Variants in MAP4 observed in about 807,000 individuals in gnomAD.
MAP4 encodes the protein microtubule associated protein 4.
In MAP4, 76 loss-of-function variants were observed where a neutral mutation model predicts 170.2. The observed-to-expected ratio is 0.45, with a 90% CI of 0.37 to 0.54. The LOEUF is 0.54. Ranked by LOEUF, MAP4 falls within the 20% of genes least tolerant of loss-of-function variation. The pLI is 0.00. For synonymous variants in MAP4, 909 were observed against 994.5 expected, an observed-to-expected ratio of 0.91 and a Z score of 1.62; for missense variants, 2,506 against 2,748.0, an observed-to-expected ratio of 0.91 and a Z score of 1.97.
intron 1 of MAP4, among the ~76,000 whole-genome samples, chr3:48,006,089 C>G (rs558058407): frequency 6.6e-6 from 1 of 152,170 alleles, no homozygotes; most frequent in South Asian, 2.1e-4. Context: ...TTAATTTATA[C>G]AAACACAAAA....
At chr3:47,871,410 T>TAACAC in intron 13 of MAP4, 124 bp from the exon 14 acceptor site, 2 of 813,816 alleles carry the variant, frequency 2.5e-6, no homozygotes, top group Non-Finnish European at 4.1e-6. Context: ...GGGACTGTGT[T>TAACAC]AGTCCCTGGG....
chr3:47,974,303 T>TA (rs888403005), intron 3 of MAP4: 9 of 322,698 alleles, frequency 2.8e-5, no homozygotes, highest in Non-Finnish European at 4.0e-5. Flanking sequence ...CGCACACCTA[T>TA]AATCCCAGCT....
Position 47,910,251 on chromosome 3 carries a change from T to C in MAP4, c.4170A>G (p.Ile1390Met). ...ILENKIDATK[I>M]HVPMETTGDQ... ...CCCCTGTGGTTTCCATGGGAACATG[T>C]ATTTTTGTTGCATCTATCTTATTCT... Residue 1390 changes from isoleucine (I) to methionine (M), a missense_variant, in exon 9 of 21, where the codon ATA becomes ATG. By Grantham distance (10) the Ile-to-Met change is conservative. Transcript: ENST00000683076. 6.2e-7 allele frequency: 1 copy of C among 1,607,824 alleles called. No individual in the cohort carries two copies. The highest frequency in any genetic ancestry group is 8.5e-7 in the Non-Finnish European group (1 of 1,179,690).
intron 3 of MAP4, among the ~76,000 whole-genome samples, chr3:47,962,885 A>T (rs2100072506): frequency 6.6e-6 from 1 of 152,226 alleles, no homozygotes; most frequent in African/African-American, 2.4e-5. Flanking sequence ...TTAAATAGAA[A>T]GCAAAATCCT....
At chr3:47,967,550 G>C (rs916505948) in intron 3 of MAP4, among the ~76,000 whole-genome samples, 1 of 152,164 alleles carries the variant, frequency 6.6e-6, no homozygotes, top group Non-Finnish European at 1.5e-5. Context: ...TACTCGGCAG[G>C]GTGAGGCAAG....
At chr3:47,879,540 A>G (rs1435426030) in intron 10 of MAP4, among the ~76,000 whole-genome samples, 1 of 152,218 alleles carries the variant, frequency 6.6e-6, no homozygotes, top group African/African-American at 2.4e-5. Context: ...ACGTAAATAC[A>G]GTATACTATC....
intron 3 of MAP4, among the ~76,000 whole-genome samples, chr3:47,941,613 TA>T (rs775418429): frequency 2.2e-5 from 3 of 135,268 alleles, no homozygotes; most frequent in Non-Finnish European, 4.8e-5. Context: ...CAGTCTCTAC[TA>T]AAAAAACAAA....
At chr3:48,018,689 GC>G (rs1183362873), upstream of MAP4, among the ~76,000 whole-genome samples, 1 of 152,122 alleles carries the variant, frequency 6.6e-6, no homozygotes, top group Non-Finnish European at 1.5e-5. Flanking sequence ...TGTAGTCCCA[GC>G]TACTCGAGAG....
intron 10 of MAP4, among the ~76,000 whole-genome samples, chr3:47,897,112 T>C (rs2100027276): frequency 6.6e-6 from 1 of 152,152 alleles, no homozygotes; most frequent in Non-Finnish European, 1.5e-5. Flanking sequence ...AGTCACTAGA[T>C]GACTCTCCTT....
At chr3:47,969,377 G>A (rs2100077126) in intron 3 of MAP4, among the ~76,000 whole-genome samples, 1 of 150,880 alleles carries the variant, frequency 6.6e-6, no homozygotes, top group Non-Finnish European at 1.5e-5. Flanking sequence ...TTGCACTCCA[G>A]CCTGGGCAAT....
At chr3:47,870,571 C>G (rs1047287463) in intron 15 of MAP4, among the ~76,000 whole-genome samples, 1 of 152,186 alleles carries the variant, frequency 6.6e-6, no homozygotes, top group Non-Finnish European at 1.5e-5. Context: ...TAAACTCAGA[C>G]CCCAACATCT....
At chr3:47,951,603 T>G (rs1033337727) in intron 3 of MAP4, among the ~76,000 whole-genome samples, 5 of 151,532 alleles carry the variant, frequency 3.3e-5, no homozygotes, top group Admixed American at 3.3e-4. Context: ...CCGCCAGCCT[T>G]GGCCTCCCGA....
chr3:47,974,929 C>T (rs2100081099), intron 3 of MAP4: 2 of 985,570 alleles, frequency 2.0e-6, no homozygotes, highest in Admixed American at 6.1e-5. Context: ...TAAGATTAAC[C>T]TTCCCTAAAA....
chr3:48,004,072 T>C (rs2100100860), intron 1 of MAP4, among the ~76,000 whole-genome samples: 1 of 152,204 alleles, frequency 6.6e-6, no homozygotes, highest in African/African-American at 2.4e-5. Flanking sequence ...TTCCTCTTTT[T>C]ATAAACATAC....
intron 1 of MAP4, among the ~76,000 whole-genome samples, chr3:48,038,296 A>T (rs2100119834): frequency 6.6e-6 from 1 of 152,120 alleles, no homozygotes; most frequent in African/African-American, 2.4e-5. Context: ...AAGGAAAGAA[A>T]AATATGTGTT....
chr3:47,862,030 G>A (rs1255595363), intron 17 of MAP4, among the ~76,000 whole-genome samples: 48 of 151,156 alleles, frequency 3.2e-4, no homozygotes, highest in Non-Finnish European at 4.1e-4. Flanking sequence ...GCGTGGCGGC[G>A]GGTGCCTGTA....
At chr3:47,982,469 CTA>C (rs1336774142) in intron 2 of MAP4, among the ~76,000 whole-genome samples, 1 of 152,198 alleles carries the variant, frequency 6.6e-6, no homozygotes, top group South Asian at 2.1e-4. Context: ...AACCAAAATG[CTA>C]TATATTTAGA....
intron 1 of MAP4, among the ~76,000 whole-genome samples, chr3:48,001,074 T>C (rs2100098886): frequency 6.6e-6 from 1 of 152,114 alleles, no homozygotes; most frequent in Non-Finnish European, 1.5e-5. Flanking sequence ...CAAAGGGTGT[T>C]GCTATATATT....
chr3:48,036,770 T>TAA (rs929529312), intron 1 of MAP4, among the ~76,000 whole-genome samples: 4 of 152,218 alleles, frequency 2.6e-5, no homozygotes, highest in Non-Finnish European at 5.9e-5. Flanking sequence ...GCGGCTGATG[T>TAA]AAACAAAAGA....
Sources: allele counts gnomAD v4.1 joint callset (sites outside exome capture counted in the v4.1 genomes callset), GRCh38; gene constraint gnomAD v4.1.1; transcripts MANE v1.5; gene names NCBI Gene and HGNC (gene_info 2026-07-23, HGNC 2026-07-21).